The following HIF3A variants were observed in gnomAD, a reference collection of about 807,000 sequenced individuals.
HIF3A encodes hypoxia inducible factor 3 subunit alpha.
In HIF3A, 41 loss-of-function variants were observed where a neutral mutation model predicts 67.2. That is an observed-to-expected ratio of 0.61 (90% CI 0.48 to 0.79). HIF3A has a LOEUF of 0.79. Among genes scored for constraint, HIF3A ranks in the 30% least tolerant of loss-of-function variants. The pLI, the probability that HIF3A is intolerant of heterozygous loss-of-function variation, is 0.00. For synonymous variants in HIF3A, 356 were observed against 374.8 expected, an observed-to-expected ratio of 0.95 and a Z score of 0.58; for missense variants, 855 against 898.0, an observed-to-expected ratio of 0.95 and a Z score of 0.61.
intron 14 of HIF3A, among the ~76,000 whole-genome samples, chr19:46,337,185 G>A (rs541030120): frequency 3.6e-4 from 55 of 152,192 alleles, no homozygotes; most frequent in African/African-American, 1.3e-3. Flanking sequence ...ATATCGGGGG[G>A]AAGAGTGTCC....
chr19:46,321,995 A>G, intron 10 of HIF3A, 29 bp downstream of exon 10: 4 of 1,608,712 alleles, frequency 2.5e-6, no homozygotes, highest in Non-Finnish European at 3.4e-6. Flanking sequence ...GTGAGCCCTC[A>G]GCATCCAGTG....
At position 46,325,613 on chromosome 19, in the gene HIF3A, G is replaced by A. The variant is rs769053342; in HGVS notation, c.1414G>A (p.Val472Met). ...LFTSGKDTEA[V>M]ETDLDIAQDA... The stretch of plus-strand genomic sequence containing the variant: ...CACCTCCGGGAAAGACACTGAGGCA[G>A]TGGAGACAGATTTAGATATAGCTCA... Residue 472 changes from valine to methionine, a missense_variant, in exon 11 of 15, where the codon GTG (valine) becomes ATG (methionine). By Grantham distance (21) the Val-to-Met change is conservative (BLOSUM62 1). Transcript: ENST00000377670. 1.7e-5 allele frequency: 28 copies of A among 1,613,204 alleles called. No homozygotes were observed. Among genetic ancestry groups the A allele is most frequent in the Non-Finnish European group, 2.2e-5 (26 of 1,179,548 alleles).
intron 1 of HIF3A, chr19:46,303,454 AAACTGCAGGGC>A (rs1968509944): frequency 1.7e-6 from 1 of 596,732 alleles, no homozygotes; most frequent in African/African-American, 1.9e-5. Flanking sequence ...TGATTCTGGG[AAACTGCAGGGC>A]AGGGGGCCTG....
At position 46,342,694 on chromosome 19, in the gene HIF3A, C is replaced by T. The variant is rs768354927; in HGVS notation, c.*3072C>T. ...AATCTAGACTTTTCCCTAAAGATTC[C>T]TCTGGTTCTGAATCTTATAACCTCA... On this transcript the variant is annotated 3_prime_UTR_variant, in exon 15 of 15. Coordinates refer to ENST00000377670, the MANE Select transcript of HIF3A (RefSeq NM_152795.4). 1.3e-5 allele frequency: 2 copies of T among 152,172 alleles called. No individual in the cohort carries two copies. The highest frequency in any genetic ancestry group is 1.3e-4 in the Admixed American group (2 of 15,268). 9.4% of individuals were successfully genotyped at this position (152,172 alleles called of 1,614,324 possible). A position where few individuals can be genotyped will look rare whatever the true frequency, so the allele number is the denominator to read the frequency against.
chr19:46,308,310 G>A lies in HIF3A; in HGVS notation c.448+5G>A, dbSNP rs1568506923. The stretch of plus-strand genomic sequence containing the variant: ...ACGCCCTGACCCCCCAGCAGAGTGA[G>A]TTCCCTGGAGGCCTCTGTCCCCACC... On this transcript the variant is annotated splice_donor_5th_base_variant and intron_variant, in intron 4 of 14. Coordinates refer to ENST00000377670, the MANE Select transcript of HIF3A (RefSeq NM_152795.4). 1.3e-6 allele frequency: 2 copies of A among 1,591,376 alleles called. No individual in the cohort carries two copies. The highest frequency in any genetic ancestry group is 2.2e-5 in the South Asian group (2 of 89,256).
Position 46,313,958 on chromosome 19 carries a change from G to A in HIF3A, c.1025+1305G>A, listed in dbSNP as rs145671422. On this transcript the variant is annotated intron_variant, in intron 8 of 14. Coordinates refer to ENST00000377670, the MANE Select transcript of HIF3A (RefSeq NM_152795.4). ...ATTACAGGCATGAGCCACTGCACCC[G>A]GCCCATGTTGTGGTTTATATCAGTA... Among the ~76,000 whole-genome samples, 296 of 150,564 alleles carry A rather than the reference G, an allele frequency of 2.0e-3. 3 individuals are homozygous for A. Among genetic ancestry groups the A allele is most frequent in the African/African-American group, 6.3e-3 (260 of 41,096 alleles).
chr19:46,329,061 T>G, intron 11 of HIF3A, 146 bp from the exon 12 acceptor site: 1 of 669,872 alleles, frequency 1.5e-6, no homozygotes. Flanking sequence ...CTTCAGGGAG[T>G]CCTTATACCC....
At position 46,297,179 on chromosome 19, in the gene HIF3A, G is replaced by A; in HGVS notation, c.26+77G>A. Reference sequence around the variant, plus strand: ...GAGACCCCTGAGCTGGATTGTTGGGGGGGGTGGGGTTCGCGGGTGCGAGCC... The same window carrying A: ...GAGACCCCTGAGCTGGATTGTTGGGAGGGGTGGGGTTCGCGGGTGCGAGCC... On this transcript the variant is annotated intron_variant, in intron 1 of 14. Coordinates refer to ENST00000377670, the MANE Select transcript of HIF3A (RefSeq NM_152795.4). This position sits in a 1 kb window ranked among gnomAD's most constrained non-coding sequence, Gnocchi z 4.5. 1 of 732,766 alleles carries A rather than the reference G, an allele frequency of 1.4e-6. No individual in the cohort carries two copies. The highest frequency in any genetic ancestry group is 3.4e-5 in the East Asian group (1 of 29,824). 45.4% of individuals were successfully genotyped at this position (732,766 alleles called of 1,614,324 possible).
At chr19:46,312,379 C>A (rs757392590) in intron 7 of HIF3A, 112 bp downstream of exon 7, 2 of 1,608,758 alleles carry the variant, frequency 1.2e-6, no homozygotes, top group Non-Finnish European at 1.7e-6. Context: ...CACCTCAACA[C>A]CAGCTCCCTG....
rs1032152549 is a variant in HIF3A at position 46,299,435 on chromosome 19, G to A, written c.26+2333G>A. Among the ~76,000 whole-genome samples, 5 of 152,210 alleles carry A rather than the reference G, an allele frequency of 3.3e-5. No homozygotes were observed. In the South Asian group the frequency reaches 1.0e-3, roughly 32 times the overall value. Reference sequence around the variant, plus strand: ...TCACTTTCAGATCCTGGAAATACGGGCAGGCCGGGTGCGGTGGCTCAGGCC... The same window carrying A: ...TCACTTTCAGATCCTGGAAATACGGACAGGCCGGGTGCGGTGGCTCAGGCC... On this transcript the variant is annotated intron_variant, in intron 1 of 14. Coordinates refer to ENST00000377670, the MANE Select transcript of HIF3A (RefSeq NM_152795.4).
chr19:46,308,336 A>G, intron 4 of HIF3A, 31 bp downstream of exon 4: 22 of 1,390,998 alleles, frequency 1.6e-5, no homozygotes, highest in Non-Finnish European at 2.2e-5. Context: ...TGTCCCCACC[A>G]TACAGAGGAG....
chr19:46,298,378 C>T, intron 1 of HIF3A: 1 of 1,285,786 alleles, frequency 7.8e-7, no homozygotes, highest in South Asian at 1.2e-5. Flanking sequence ...CCCTCCCCAC[C>T]CAAGGCCGGC....
At chr19:46,308,081 G>T in intron 3 of HIF3A, 140 bp from the exon 4 acceptor site, 1 of 737,808 alleles carries the variant, frequency 1.4e-6, no homozygotes. Context: ...TGGATGGATG[G>T]ATGGACAAAT....
intron 10 of HIF3A, among the ~76,000 whole-genome samples, chr19:46,324,957 T>TATATATATACATATATATATATCA: frequency 7.3e-6 from 1 of 136,954 alleles, no homozygotes; most frequent in East Asian, 2.1e-4. Flanking sequence ...TATATATATA[T>TATATATATACATATATATATATCA]ACACATACAC....
rs970283278 is a variant in HIF3A at position 46,342,344 on chromosome 19, C to G, written c.*2722C>G. ...CCTTCTGATTCTAGATCTTATGGTT[C>G]CCAAATCTCTCTGGTTCTAGAACTC... On this transcript the variant is annotated 3_prime_UTR_variant, in exon 15 of 15. Transcript: ENST00000377670. 3.3e-5 allele frequency: 5 copies of G among 152,046 alleles called. No individual in the cohort carries two copies. Among genetic ancestry groups the G allele is most frequent in the African/African-American group, 1.2e-4 (5 of 41,394 alleles). The allele number at this position is 152,046 out of a possible 1,614,324, so 9.4% of individuals were successfully genotyped here. A position where few individuals can be genotyped will look rare whatever the true frequency, so the allele number is the denominator to read the frequency against.
At position 46,312,143 on chromosome 19, in the gene HIF3A, A is replaced by T; in HGVS notation, c.771-18A>T. 1 of 1,604,614 alleles carries T rather than the reference A, an allele frequency of 6.2e-7. No individual in the cohort carries two copies. The highest frequency in any genetic ancestry group is 2.2e-5 in the East Asian group (1 of 44,762). ...CCCAGTAGCATCCTGACCAGACCCC[A>T]CTCCGCCCCACCCCCAGGATTGCAG... On this transcript the variant is annotated intron_variant, in intron 6 of 14. Transcript: ENST00000377670.
At position 46,321,759 on chromosome 19, in the gene HIF3A, C is replaced by A. The variant is rs1390383153; in HGVS notation, c.1145-17C>A. ...AGTCACCAGCCCGTGTCCTCCCCAT[C>A]TCCATGTGTCCTGCAGACACCCCTG... On this transcript the variant is annotated splice_polypyrimidine_tract_variant and intron_variant, in intron 9 of 14. Transcript: ENST00000377670. 1.2e-6 allele frequency: 2 copies of A among 1,609,420 alleles called. No homozygotes were observed. The highest frequency in any genetic ancestry group is 2.2e-5 in the South Asian group (2 of 90,738).
intron 12 of HIF3A, among the ~76,000 whole-genome samples, chr19:46,330,864 A>G (rs1031721013): frequency 1.3e-5 from 2 of 151,102 alleles, no homozygotes; most frequent in African/African-American, 2.4e-5. Context: ...GGATGGATGG[A>G]TGGGTGGTGG....
rs1971924213 is a variant in HIF3A at position 46,341,202 on chromosome 19, T to TA, written c.*1580_*1581insA. On this transcript the variant is annotated 3_prime_UTR_variant, in exon 15 of 15. Coordinates refer to ENST00000377670, the MANE Select transcript of HIF3A (RefSeq NM_152795.4). ...TCCAGACCTCTTAATCTCTCTCTTTTTTTTTTTTTTTTTTTGAGACAGAGT... is the reference window on the plus strand; with the variant it reads ...TCCAGACCTCTTAATCTCTCTCTTTTATTTTTTTTTTTTTTTGAGACAGAGT... 6.7e-6 allele frequency: 1 copy of TA among 149,504 alleles called. No individual in the cohort carries two copies. Among genetic ancestry groups the TA allele is most frequent in the African/African-American group, 2.5e-5 (1 of 40,662 alleles). 9.3% of individuals were successfully genotyped at this position (149,504 alleles called of 1,614,324 possible). A position where few individuals can be genotyped will look rare whatever the true frequency, so the allele number is the denominator to read the frequency against.
Sources: allele counts gnomAD v4.1 joint callset (sites outside exome capture counted in the v4.1 genomes callset), GRCh38; gene constraint gnomAD v4.1.1; non-coding constraint Gnocchi (gnomAD v3.1); transcripts MANE v1.5; gene names NCBI Gene and HGNC (gene_info 2026-07-23, HGNC 2026-07-21).